The following FAT3 variants were observed in gnomAD, a reference collection of about 807,000 sequenced individuals.
FAT3 encodes the protein FAT atypical cadherin 3, also known as protocadherin Fat 3.
A neutral mutation model predicts 310.2 loss-of-function variants in FAT3; 95 were observed. That is an observed-to-expected ratio of 0.31 (90% confidence interval 0.26 to 0.36). FAT3 has a LOEUF of 0.36. Among genes scored for constraint, FAT3 ranks in the 10% least tolerant of loss-of-function variants. The probability of loss-of-function intolerance (pLI) is 1.00; values close to 1 mark genes in which losing one functional copy is unlikely to be tolerated. For missense variants in FAT3, 5,408 were observed against 5,715.6 expected, an observed-to-expected ratio of 0.95 and a Z score of 1.74; for synonymous variants, 2,314 against 2,192.9, an observed-to-expected ratio of 1.06 and a Z score of -1.54.
intron 13 of FAT3, among the ~76,000 whole-genome samples, chr11:92,827,208 A>G (rs1202548518): frequency 1.3e-5 from 2 of 152,160 alleles, no homozygotes; most frequent in Non-Finnish European, 2.9e-5. Flanking sequence ...GAATGGTATG[A>G]ATCTGCTGTG....
At chr11:92,521,430 T>C (rs541010528) in intron 2 of FAT3, among the ~76,000 whole-genome samples, 8 of 152,266 alleles carry the variant, frequency 5.3e-5, no homozygotes, top group African/African-American at 1.9e-4. Context: ...TTCAAGATTA[T>C]CCCCTGCTTT....
intron 21 of FAT3, among the ~76,000 whole-genome samples, chr11:92,860,216 AATATG>A: frequency 6.6e-6 from 1 of 152,318 alleles, no homozygotes; most frequent in East Asian, 1.9e-4. Context: ...TTATACAGCT[AATATG>A]ATAAGTTTGT....
At position 92,876,546 on chromosome 11, in the gene FAT3, G is replaced by A. The variant is rs991814446; in HGVS notation, c.12128-4185G>A. 5.9e-5 allele frequency among the ~76,000 whole-genome samples: 9 copies of A among 152,266 alleles called. No homozygotes were observed. In the South Asian group the frequency reaches 8.3e-4, roughly 14 times the overall value. On this transcript the variant is annotated intron_variant, in intron 22 of 27. Coordinates refer to ENST00000525166, the MANE Select transcript of FAT3 (RefSeq NM_001367949.2). ...CTCCTTGGTCTTTCCTTGGCTTTGC[G>A]TTTAAGGGCATTCTTTTTCTAATAT...
intron 2 of FAT3, chr11:92,366,386 T>C (rs1034453936): frequency 3.4e-5 from 9 of 264,288 alleles, no homozygotes; most frequent in African/African-American, 2.0e-4. Context: ...CAGTTACAAC[T>C]TAAGATGCTT....
At chr11:92,520,555 T>A (rs1459046161) in intron 2 of FAT3, among the ~76,000 whole-genome samples, 1 of 152,072 alleles carries the variant, frequency 6.6e-6, no homozygotes, top group Non-Finnish European at 1.5e-5. Flanking sequence ...CCTCAAGATG[T>A]GATTTTGGCA....
At chr11:92,702,707 A>G (rs1303156549) in intron 4 of FAT3, among the ~76,000 whole-genome samples, 1 of 152,214 alleles carries the variant, frequency 6.6e-6, no homozygotes, top group Non-Finnish European at 1.5e-5. Context: ...AAATAATCCT[A>G]TAGTCCTGGC....
rs573087894 is a variant in FAT3 at position 92,224,924 on chromosome 11, C to T, written c.-268C>T. On this transcript the variant is annotated 5_prime_UTR_variant, in exon 1 of 28. Coordinates refer to ENST00000525166, the MANE Select transcript of FAT3 (RefSeq NM_001367949.2). ...GATTGGGATCTCGCGCCTCCCGTCC[C>T]TCTCCTCCCGCTGCTGTTCTCTTCA... Among the ~76,000 whole-genome samples, 7 of 152,076 alleles carry T rather than the reference C, an allele frequency of 4.6e-5. No homozygotes were observed. The highest frequency in any genetic ancestry group is 1.4e-4 in the African/African-American group (6 of 41,406).
chr11:92,818,311 C>T (rs897507761), intron 13 of FAT3, among the ~76,000 whole-genome samples: 1 of 151,892 alleles, frequency 6.6e-6, no homozygotes, highest in East Asian at 1.9e-4. Context: ...AAAAAAGAGG[C>T]ACATCTGACA....
chr11:92,490,487 A>G (rs1591360955), intron 2 of FAT3, among the ~76,000 whole-genome samples: 1 of 152,110 alleles, frequency 6.6e-6, no homozygotes, highest in East Asian at 1.9e-4. Flanking sequence ...GAGACTATCA[A>G]AAAACATTGT....
At chr11:92,627,906 G>C (rs1941395997) in intron 3 of FAT3, among the ~76,000 whole-genome samples, 1 of 152,208 alleles carries the variant, frequency 6.6e-6, no homozygotes, top group Non-Finnish European at 1.5e-5. Context: ...AGGCTGTGCA[G>C]AGGTGACAGA....
rs193044124 is a variant in FAT3 at position 92,352,367 on chromosome 11, C to T, written c.255C>T (p.Ser85=). 92 of 1,603,058 alleles carry T rather than the reference C, an allele frequency of 5.7e-5. No individual in the cohort carries two copies. In the East Asian group the frequency reaches 1.2e-3, roughly 21 times the overall value. ...GGGATATCAAATACAGAATAGTGTC[C>T]GGAGACGAGGAAGGCTTTTTCAAAG... ...LSWDIKYRIV[S]GDEEGFFKAE... The change falls in exon 2 of 28, where the codon TCC becomes TCT. Residue 85 remains serine (S), a synonymous_variant. Coordinates refer to ENST00000525166, the MANE Select transcript of FAT3 (RefSeq NM_001367949.2).
chr11:92,344,875 G>A (rs1565241695), intron 1 of FAT3, among the ~76,000 whole-genome samples: 1 of 152,152 alleles, frequency 6.6e-6, no homozygotes, highest in South Asian at 2.1e-4. Context: ...CTGGGGGAGG[G>A]CACTATATCT....
chr11:92,361,034 T>C (rs1395505407), intron 2 of FAT3, among the ~76,000 whole-genome samples: 3 of 152,212 alleles, frequency 2.0e-5, no homozygotes, highest in African/African-American at 7.2e-5. Flanking sequence ...TTGTGAAACT[T>C]CACTGGCTTA....
chr11:92,583,224 T>A (rs868245275), intron 3 of FAT3, among the ~76,000 whole-genome samples: 11 of 152,070 alleles, frequency 7.2e-5, no homozygotes, highest in Non-Finnish European at 1.3e-4. Context: ...GGACTTGGAA[T>A]ATTGTCTTTG....
intron 19 of FAT3, among the ~76,000 whole-genome samples, chr11:92,848,726 T>A (rs1948746295): frequency 6.6e-6 from 1 of 152,230 alleles, no homozygotes; most frequent in Non-Finnish European, 1.5e-5. Context: ...ATGGAGTGTT[T>A]GCCATGGGCG....
intron 3 of FAT3, among the ~76,000 whole-genome samples, chr11:92,563,638 C>T (rs1021220709): frequency 8.6e-5 from 13 of 151,982 alleles, no homozygotes; most frequent in African/African-American, 3.1e-4. Context: ...CGAAACCCAG[C>T]TTAAAATTCA....
chr11:92,803,360 G>A (rs1022332409), intron 10 of FAT3, among the ~76,000 whole-genome samples: 3 of 152,188 alleles, frequency 2.0e-5, no homozygotes, highest in African/African-American at 7.2e-5. Flanking sequence ...TGCTCTTGAT[G>A]TAACACAACT....
chr11:92,502,684 G>A (rs1952977218), intron 2 of FAT3, among the ~76,000 whole-genome samples: 1 of 152,008 alleles, frequency 6.6e-6, no homozygotes. Context: ...CCTAACAATT[G>A]CAACTACTGC....
chr11:92,496,726 G>T (rs1952778899), intron 2 of FAT3, among the ~76,000 whole-genome samples: 1 of 152,034 alleles, frequency 6.6e-6, no homozygotes, highest in Admixed American at 6.6e-5. Context: ...AGGAAGGAAT[G>T]ATGCCTGCAG....
Sources: gnomAD v4.1 joint callset for allele counts (sites outside exome capture counted in the v4.1 genomes callset) on GRCh38, gnomAD v4.1.1 for gene constraint, MANE v1.5 for transcripts, NCBI Gene and HGNC (gene_info 2026-07-23, HGNC 2026-07-21) for gene names.